KIAA1217: variants seen among roughly 807,000 people sequenced by gnomAD.
KIAA1217 encodes the protein KIAA1217, also known as sickle tail protein homolog.
KIAA1217 carries 88 observed loss-of-function variants against 163.9 expected under a neutral mutation model. The ratio of observed to expected loss-of-function variants is 0.54; its 90% CI spans 0.45 to 0.64. The LOEUF is 0.64. Ranked by LOEUF, KIAA1217 falls within the 30% of genes least tolerant of loss-of-function variation. The pLI is 0.00. For missense variants in KIAA1217, 2,372 were observed against 2,475.0 expected, an observed-to-expected ratio of 0.96 and a Z score of 0.88; for synonymous variants, 903 against 923.1, an observed-to-expected ratio of 0.98 and a Z score of 0.39.
intron 2 of KIAA1217, among the ~76,000 whole-genome samples, chr10:24,063,469 T>C (rs960425778): frequency 4.1e-4 from 63 of 152,318 alleles, no homozygotes; most frequent in African/African-American, 1.4e-3. Context: ...GTATTATTTC[T>C]GAGGGCTCTG....
Position 24,524,399 on chromosome 10 carries a change from G to A in KIAA1217, c.2533G>A (p.Ala845Thr). The A allele has an allele frequency of 6.2e-7, 1 of 1,614,242 alleles. No homozygotes were observed. Among genetic ancestry groups the A allele is most frequent in the Non-Finnish European group, 8.5e-7 (1 of 1,180,044 alleles). ...GTACATGGCTATGGAAAAGGCCACA[G>A]CCGCAGAAGTCCTGAAGAGTCAGGA... ...AQYMAMEKAT[A>T]AEVLKSQEEA... Residue 845 changes from alanine (A) to threonine (T), a missense_variant, in exon 13 of 21, where the codon GCC (alanine) becomes ACC (threonine). This residue lies in a region of KIAA1217 where 1,431 missense variants were observed against 1,470.3 expected (regional missense o/e 0.97). Coordinates refer to ENST00000376454, the MANE Select transcript of KIAA1217 (RefSeq NM_019590.5).
At chr10:24,420,473 C>T (rs923660047) in intron 3 of KIAA1217, among the ~76,000 whole-genome samples, 2 of 152,040 alleles carry the variant, frequency 1.3e-5, no homozygotes, top group South Asian at 4.2e-4. Context: ...GTCTTCATTA[C>T]TTTGTTTGTA....
chr10:24,257,242 A>G (rs998028037), intron 2 of KIAA1217, among the ~76,000 whole-genome samples: 3 of 152,112 alleles, frequency 2.0e-5, no homozygotes, highest in African/African-American at 7.2e-5. Flanking sequence ...GCTTTAAAAA[A>G]CTTTGGTGTA....
chr10:24,176,008 G>A (rs1050265489), intron 2 of KIAA1217, among the ~76,000 whole-genome samples: 3 of 152,180 alleles, frequency 2.0e-5, no homozygotes, highest in Non-Finnish European at 4.4e-5. Flanking sequence ...GACCCAAGCA[G>A]GTTGCTGCTG....
At chr10:24,108,731 A>C (rs530275224) in intron 2 of KIAA1217, among the ~76,000 whole-genome samples, 2 of 152,332 alleles carry the variant, frequency 1.3e-5, no homozygotes, top group Non-Finnish European at 2.9e-5. Context: ...CAAGATCTAA[A>C]TATGGCCCCT....
chr10:23,843,897 A>G (rs1306482324), intron 1 of KIAA1217, among the ~76,000 whole-genome samples: 3 of 152,158 alleles, frequency 2.0e-5, no homozygotes, highest in Admixed American at 2.0e-4. Flanking sequence ...CATTCCGTAA[A>G]TAACCTTTGA....
chr10:24,457,101 C>A (rs1249078877), intron 5 of KIAA1217, among the ~76,000 whole-genome samples: 1 of 152,066 alleles, frequency 6.6e-6, no homozygotes, highest in African/African-American at 2.4e-5. Flanking sequence ...TGTCTTGCTG[C>A]CTTAATTTTA....
At chr10:23,832,273 A>G (rs1838241953) in intron 1 of KIAA1217, among the ~76,000 whole-genome samples, 1 of 152,186 alleles carries the variant, frequency 6.6e-6, no homozygotes, top group Admixed American at 6.5e-5. Context: ...TCTATTATAA[A>G]GATTATAAAA....
At chr10:24,441,876 C>A (rs972518053) in intron 5 of KIAA1217, among the ~76,000 whole-genome samples, 2 of 152,086 alleles carry the variant, frequency 1.3e-5, no homozygotes, top group Non-Finnish European at 2.9e-5. Flanking sequence ...AAAAAGTACA[C>A]GTTTTTCCAT....
At chr10:23,791,098 A>T (rs1290539442) in intron 1 of KIAA1217, among the ~76,000 whole-genome samples, 1 of 152,176 alleles carries the variant, frequency 6.6e-6, no homozygotes, top group Non-Finnish European at 1.5e-5. Context: ...AATGAGGGGA[A>T]AAAAGACTCT....
At chr10:23,766,473 A>C (rs34865915) in intron 1 of KIAA1217, among the ~76,000 whole-genome samples, 1 of 151,996 alleles carries the variant, frequency 6.6e-6, no homozygotes, top group South Asian at 2.1e-4. Context: ...TACAAATGTC[A>C]TTTGACTCTG....
intron 1 of KIAA1217, among the ~76,000 whole-genome samples, chr10:23,981,951 A>T (rs1845783161): frequency 1.3e-5 from 2 of 152,046 alleles, no homozygotes; most frequent in African/African-American, 4.8e-5. Flanking sequence ...AACCAAAGAA[A>T]ATGATGGTAC....
chr10:24,505,806 A>G (rs1296249827), intron 9 of KIAA1217, among the ~76,000 whole-genome samples: 1 of 152,168 alleles, frequency 6.6e-6, no homozygotes, highest in African/African-American at 2.4e-5. Context: ...AAATAAACAC[A>G]GTAGTGCATA....
intron 2 of KIAA1217, among the ~76,000 whole-genome samples, chr10:24,027,527 GA>G: frequency 6.6e-6 from 1 of 152,062 alleles, no homozygotes. Context: ...ACTTTAAAAT[GA>G]TGCCATTTAC....
intron 1 of KIAA1217, among the ~76,000 whole-genome samples, chr10:23,950,609 A>G (rs1011290084): frequency 6.6e-6 from 1 of 152,108 alleles, no homozygotes; most frequent in Non-Finnish European, 1.5e-5. Flanking sequence ...GCATGCATTC[A>G]TGCATTGATG....
At chr10:24,011,233 C>T (rs1417577084) in intron 2 of KIAA1217, among the ~76,000 whole-genome samples, 2 of 152,136 alleles carry the variant, frequency 1.3e-5, no homozygotes, top group East Asian at 1.9e-4. Flanking sequence ...CACCTATAGT[C>T]CCAACATTTT....
At chr10:24,357,439 C>G (rs1591278966) in intron 2 of KIAA1217, among the ~76,000 whole-genome samples, 1 of 152,062 alleles carries the variant, frequency 6.6e-6, no homozygotes, top group Non-Finnish European at 1.5e-5. Context: ...CTTGAGAAGG[C>G]CACTCCTAAA....
chr10:23,771,893 A>G (rs893270686), intron 1 of KIAA1217, among the ~76,000 whole-genome samples: 1 of 152,202 alleles, frequency 6.6e-6, no homozygotes, highest in African/African-American at 2.4e-5. Context: ...TATCTTCTGT[A>G]TTCCTCTATA....
At chr10:23,952,163 G>A (rs1360308004) in intron 1 of KIAA1217, among the ~76,000 whole-genome samples, 1 of 152,186 alleles carries the variant, frequency 6.6e-6, no homozygotes, top group Non-Finnish European at 1.5e-5. Flanking sequence ...TGGAAGATTG[G>A]GGATGTTTTA....
Sources: gnomAD v4.1 joint callset for allele counts (sites outside exome capture counted in the v4.1 genomes callset) on GRCh38, gnomAD v4.1.1 for gene constraint, gnomAD v4.1.1 regional missense constraint, MANE v1.5 for transcripts, NCBI Gene and HGNC (gene_info 2026-07-23, HGNC 2026-07-21) for gene names.